The following EPHB2 variants were observed in gnomAD, a reference collection of about 807,000 sequenced individuals.
EPHB2 encodes EPH receptor B2.
A neutral mutation model predicts 96.4 loss-of-function variants in EPHB2; 18 were observed. The ratio of observed to expected loss-of-function variants is 0.19; its 90% confidence interval spans 0.13 to 0.28. The LOEUF (loss-of-function observed/expected upper bound fraction) is 0.28. Ranked by LOEUF, EPHB2 falls within the 10% of genes least tolerant of loss-of-function variation. EPHB2 has a pLI of 1.00. For synonymous variants in EPHB2, 506 were observed against 534.1 expected (o/e 0.95, Z 0.72); for missense variants, 989 against 1,355.4 (o/e 0.73, Z 4.25).
At chr1:22,879,956 T>G (rs1415813106) in intron 5 of EPHB2, among the ~76,000 whole-genome samples, 1 of 152,074 alleles carries the variant, frequency 6.6e-6, no homozygotes, top group East Asian at 1.9e-4. Flanking sequence ...TGCTGCCACC[T>G]CATCTGGAGT....
At chr1:22,739,039 T>C (rs980265452) in intron 1 of EPHB2, among the ~76,000 whole-genome samples, 2 of 152,190 alleles carry the variant, frequency 1.3e-5, no homozygotes, top group Non-Finnish European at 1.5e-5. Flanking sequence ...TTAAAAATTA[T>C]GTTGTGTACT....
At chr1:22,775,161 C>A in intron 1 of EPHB2, 1 of 779,360 alleles carries the variant, frequency 1.3e-6, no homozygotes, top group South Asian at 1.3e-5. Context: ...AAGGCTATGG[C>A]CATGGCATCT....
chr1:22,910,860 G>A (rs1263466233), intron 14 of EPHB2, among the ~76,000 whole-genome samples: 1 of 152,198 alleles, frequency 6.6e-6, no homozygotes, highest in Non-Finnish European at 1.5e-5. Flanking sequence ...AAGGAAGGCC[G>A]GGAGAGATGG....
In EPHB2 at chr1:22,913,380, G is replaced by T; in HGVS notation, c.2853-82G>T. On this transcript the variant is annotated intron_variant, in intron 15 of 15. Coordinates refer to ENST00000374630, the MANE Select transcript of EPHB2 (RefSeq NM_017449.5). The surrounding 1 kb of genome is among the most constrained non-coding windows in gnomAD (Gnocchi z 4.1). ...CTCCTTGCTTTGCCATCTTCCTCCC[G>T]GGGAAGCCCAGGCAGCTCTCTACCA... The T allele has an allele frequency of 6.4e-7, 1 of 1,555,886 alleles. No individual in the cohort carries two copies. Among genetic ancestry groups the T allele is most frequent in the South Asian group, 1.2e-5 (1 of 85,532 alleles).
intron 9 of EPHB2, among the ~76,000 whole-genome samples, chr1:22,898,644 G>A (rs1419237168): frequency 6.6e-6 from 1 of 152,214 alleles, no homozygotes; most frequent in Non-Finnish European, 1.5e-5. Flanking sequence ...GACTTCTCTG[G>A]CTGCTGTCTG....
chr1:22,832,094 T>C (rs576393609), intron 3 of EPHB2, among the ~76,000 whole-genome samples: 27 of 152,060 alleles, frequency 1.8e-4, no homozygotes, highest in African/African-American at 6.0e-4. Flanking sequence ...GAGCGGGGAA[T>C]AGGGAGAGCG....
intron 6 of EPHB2, chr1:22,882,941 T>G (rs1213849372): frequency 1.7e-5 from 4 of 239,588 alleles, no homozygotes; most frequent in Non-Finnish European, 2.5e-5. Context: ...CCACTTTCAC[T>G]CGCCTGCATG....
chr1:22,904,892 C>T (rs144973854), intron 9 of EPHB2, among the ~76,000 whole-genome samples: 43 of 152,334 alleles, frequency 2.8e-4, no homozygotes, highest in Non-Finnish European at 4.7e-4. Context: ...GATGGCCTCA[C>T]GCACCAACCA....
intron 1 of EPHB2, among the ~76,000 whole-genome samples, chr1:22,774,851 C>T (rs533011072): frequency 7.2e-5 from 11 of 152,268 alleles, no homozygotes; most frequent in Admixed American, 2.0e-4. Flanking sequence ...GCAGACCTCC[C>T]CTACATGTGG....
At chr1:22,849,410 C>A (rs1369755561) in intron 3 of EPHB2, among the ~76,000 whole-genome samples, 4 of 152,208 alleles carry the variant, frequency 2.6e-5, no homozygotes, top group Non-Finnish European at 4.4e-5. Flanking sequence ...AGACTATCAG[C>A]TCCCTGAGGT....
At chr1:22,736,669 C>T (rs1430183538) in intron 1 of EPHB2, among the ~76,000 whole-genome samples, 1 of 152,220 alleles carries the variant, frequency 6.6e-6, no homozygotes, top group Non-Finnish European at 1.5e-5. Context: ...GGCATGTTTG[C>T]GCCGCTGACA....
chr1:22,749,754 C>G (rs2148377621), intron 1 of EPHB2, among the ~76,000 whole-genome samples: 1 of 152,282 alleles, frequency 6.6e-6, no homozygotes, highest in South Asian at 2.1e-4. Context: ...CATTCACTCA[C>G]TCAGCTGGAC....
At chr1:22,891,210 T>G (rs1245500390) in intron 6 of EPHB2, 2 of 455,900 alleles carry the variant, frequency 4.4e-6, no homozygotes. Context: ...ACCCAAGAAG[T>G]CTGGCTCCAG....
intron 1 of EPHB2, among the ~76,000 whole-genome samples, chr1:22,780,033 G>A (rs1296128476): frequency 6.6e-6 from 1 of 152,232 alleles, no homozygotes; most frequent in African/African-American, 2.4e-5. Flanking sequence ...CTCCATGGTA[G>A]GGTCTTGCTA....
intron 1 of EPHB2, among the ~76,000 whole-genome samples, chr1:22,747,068 G>A: frequency 6.6e-6 from 1 of 152,138 alleles, no homozygotes. Context: ...GCCCAGAGAG[G>A]GAGATTGGCT....
intron 9 of EPHB2, among the ~76,000 whole-genome samples, chr1:22,897,362 T>C (rs309465): frequency 0.56 from 84,632 of 151,936 alleles, 24,613 homozygotes; most frequent in African/African-American, 0.71. Flanking sequence ...GTACTCAGTG[T>C]GACGCCCTGA....
chr1:22,784,594 C>G lies in EPHB2; in HGVS notation c.329C>G (p.Thr110Ser). 2 of 1,614,176 alleles carry G rather than the reference C, an allele frequency of 1.2e-6. No individual in the cohort carries two copies. The highest frequency in any genetic ancestry group is 1.7e-6 in the Non-Finnish European group (2 of 1,180,032). Residue 110 changes from threonine (T) to serine (S), a missense_variant, in exon 3 of 16, where the codon ACC (threonine) becomes AGC (serine). Physicochemically the swap from Thr to Ser is moderately conservative, Grantham distance 58. Transcript: ENST00000374630. This position sits in a 1 kb window ranked among gnomAD's most constrained non-coding sequence, Gnocchi z 5.1. ...IPSVPGSCKE[T>S]FNLYYYEADF... is the part of the protein sequence containing the mutation. ...AGCGTGCCTGGCTCCTGCAAGGAGA[C>G]CTTCAACCTCTATTACTATGAGGCT...
chr1:22,733,558 A>G lies in EPHB2; in HGVS notation c.61+22515A>G, dbSNP rs543355414. 3.9e-5 allele frequency among the ~76,000 whole-genome samples: 6 copies of G among 152,220 alleles called. No individual in the cohort carries two copies. The highest frequency in any genetic ancestry group is 7.2e-5 in the African/African-American group (3 of 41,446). ...TGCACGGTGGAAATCAGCATATACC[A>G]TGGCCTTATTATGTGCCATGTTGCC... is the stretch of plus-strand genomic sequence containing the variant. On this transcript the variant is annotated intron_variant, in intron 1 of 15. Coordinates refer to ENST00000374630, the MANE Select transcript of EPHB2 (RefSeq NM_017449.5). This position sits in a 1 kb window ranked among gnomAD's most constrained non-coding sequence, Gnocchi z 4.6.
chr1:22,788,850 G>A (rs748370882), intron 3 of EPHB2, among the ~76,000 whole-genome samples: 9 of 150,566 alleles, frequency 6.0e-5, no homozygotes, highest in African/African-American at 2.2e-4. Context: ...TGCCTCCTGG[G>A]TTCAAGCAAT....
Sources: gnomAD v4.1 joint callset for allele counts (sites outside exome capture counted in the v4.1 genomes callset) on GRCh38, gnomAD v4.1.1 for gene constraint, Gnocchi (gnomAD v3.1) non-coding constraint, MANE v1.5 for transcripts, NCBI Gene and HGNC (gene_info 2026-07-23, HGNC 2026-07-21) for gene names.